GRB14: variants seen among roughly 807,000 people sequenced by gnomAD.
The protein encoded by GRB14 is growth factor receptor bound protein 14.
GRB14 carries 38 observed loss-of-function variants against 69.1 expected under a neutral mutation model. The observed-to-expected ratio is 0.55, with a 90% CI of 0.42 to 0.72. GRB14 has a LOEUF of 0.72. Ranked by LOEUF, GRB14 falls within the 30% of genes least tolerant of loss-of-function variation. GRB14 has a pLI of 0.00. For synonymous variants in GRB14, 247 were observed against 241.3 expected (o/e 1.02, Z -0.22); for missense variants, 666 against 666.1 (o/e 1.00, Z 0.00).
intron 2 of GRB14, among the ~76,000 whole-genome samples, chr2:164,598,635 AT>A (rs2105350588): frequency 6.6e-6 from 1 of 152,222 alleles, no homozygotes; most frequent in South Asian, 2.1e-4. Flanking sequence ...GGCTATATTT[AT>A]TGGTCTTCGC....
chr2:164,615,565 A>G (rs888361964), intron 2 of GRB14, among the ~76,000 whole-genome samples: 3 of 152,196 alleles, frequency 2.0e-5, no homozygotes, highest in African/African-American at 7.2e-5. Context: ...CAAAGCCTCA[A>G]GAAATCCAGA....
At chr2:164,560,985 A>T (rs74660700) in intron 2 of GRB14, among the ~76,000 whole-genome samples, 3,107 of 152,184 alleles carry the variant, frequency 0.02, 40 homozygotes, top group Non-Finnish European at 0.032. Flanking sequence ...TTTTCCTGCC[A>T]AAAAAGAGAT....
At position 164,492,908 on chromosome 2, in the gene GRB14, T is replaced by A; in HGVS notation, c.*128A>T. 1 of 786,534 alleles carries A rather than the reference T, an allele frequency of 1.3e-6. No individual in the cohort carries two copies. 48.7% of individuals were successfully genotyped at this position (786,534 alleles called of 1,614,324 possible). On this transcript the variant is annotated 3_prime_UTR_variant, in exon 14 of 14. Transcript: ENST00000263915. ...TTGCTTATTTGCAATGCACAAACTA[T>A]TTTTTTGTAACTTGCAGGTGAAATA...
At chr2:164,527,176 AATATATATATATATATAT>A (rs57531034) in intron 3 of GRB14, 41 bp from the exon 4 acceptor site, 7,976 of 249,598 alleles carry the variant, frequency 0.032, 112 homozygotes, top group African/African-American at 0.078. Context: ...CAGATAGACA[AATATATATATATATATAT>A]ATATATATAT....
chr2:164,574,078 C>T, intron 2 of GRB14: 1 of 953,066 alleles, frequency 1.0e-6, no homozygotes, highest in Non-Finnish European at 1.7e-6. Flanking sequence ...AATTCAGAAA[C>T]TCTGGTTTTA....
chr2:164,554,794 A>G (rs1453537566), intron 2 of GRB14, among the ~76,000 whole-genome samples: 1 of 152,108 alleles, frequency 6.6e-6, no homozygotes, highest in Non-Finnish European at 1.5e-5. Context: ...CACTTTACAC[A>G]TCAACTCCTC....
chr2:164,522,136 A>AT lies in GRB14; in HGVS notation c.679-20dup. Reference sequence around the variant, plus strand: ...GAAACATCTGAAAGAAAATTTATATATTTTCAAACTATGATTAAATCAATG... The same window carrying AT: ...GAAACATCTGAAAGAAAATTTATATATTTTTCAAACTATGATTAAATCAATG... On this transcript the variant is annotated intron_variant, in intron 5 of 13. Coordinates refer to ENST00000263915, the MANE Select transcript of GRB14 (RefSeq NM_004490.3). 1 of 1,426,376 alleles carries AT rather than the reference A, an allele frequency of 7.0e-7. No individual in the cohort carries two copies. The highest frequency in any genetic ancestry group is 9.7e-7 in the Non-Finnish European group (1 of 1,029,004). The allele number at this position is 1,426,376 out of a possible 1,614,324, so 88.4% of individuals were successfully genotyped here. A position where few individuals can be genotyped will look rare whatever the true frequency, so the allele number is the denominator to read the frequency against.
At chr2:164,595,316 T>G (rs1310250006) in intron 2 of GRB14, among the ~76,000 whole-genome samples, 7 of 152,156 alleles carry the variant, frequency 4.6e-5, no homozygotes, top group Non-Finnish European at 1.0e-4. Flanking sequence ...CTCAACAATC[T>G]GAGTGTCTAG....
intron 2 of GRB14, among the ~76,000 whole-genome samples, chr2:164,592,175 C>A (rs996447888): frequency 6.6e-6 from 1 of 151,762 alleles, no homozygotes; most frequent in Admixed American, 6.6e-5. Context: ...CACTCTGTCT[C>A]CCAGGCTGGA....
intron 2 of GRB14, among the ~76,000 whole-genome samples, chr2:164,607,946 G>A (rs764424775): frequency 2.6e-5 from 4 of 152,008 alleles, no homozygotes; most frequent in Admixed American, 6.6e-5. Context: ...AAAGTTTAAG[G>A]CTTCAGATTT....
intron 2 of GRB14, among the ~76,000 whole-genome samples, chr2:164,572,209 C>T (rs1210426920): frequency 6.6e-6 from 1 of 152,192 alleles, no homozygotes; most frequent in Admixed American, 6.5e-5. Context: ...GTAATGACAA[C>T]AACCGCAATT....
intron 2 of GRB14, among the ~76,000 whole-genome samples, chr2:164,567,913 T>C (rs969037869): frequency 6.6e-6 from 1 of 152,184 alleles, no homozygotes; most frequent in African/African-American, 2.4e-5. Flanking sequence ...GAGATTGATA[T>C]ATTATGAATT....
intron 2 of GRB14, among the ~76,000 whole-genome samples, chr2:164,597,365 C>T (rs1574344220): frequency 6.6e-6 from 1 of 151,806 alleles, no homozygotes; most frequent in Non-Finnish European, 1.5e-5. Context: ...TTAATTTGCA[C>T]AATAAATACT....
chr2:164,506,731 A>G (rs1434695646), intron 8 of GRB14, among the ~76,000 whole-genome samples: 3 of 152,194 alleles, frequency 2.0e-5, no homozygotes, highest in Admixed American at 6.5e-5. Flanking sequence ...AAATGGATAA[A>G]CTGTGTTTAT....
At chr2:164,531,781 T>C (rs1181515491) in intron 3 of GRB14, among the ~76,000 whole-genome samples, 1 of 152,172 alleles carries the variant, frequency 6.6e-6, no homozygotes, top group African/African-American at 2.4e-5. Context: ...CAGAACCCTC[T>C]ATGAGTTGTA....
chr2:164,507,760 T>TAATTGTTAA (rs994120216), intron 8 of GRB14, among the ~76,000 whole-genome samples: 1 of 152,088 alleles, frequency 6.6e-6, no homozygotes, highest in Admixed American at 6.6e-5. Context: ...AAATAGTTGA[T>TAATTGTTAA]AAGTATACAG....
chr2:164,610,931 C>T (rs1353161041), intron 2 of GRB14, among the ~76,000 whole-genome samples: 1 of 148,722 alleles, frequency 6.7e-6, no homozygotes, highest in Admixed American at 6.7e-5. Flanking sequence ...AAAAAATCTC[C>T]TGGATGAGAT....
chr2:164,529,201 G>A (rs1266403252), intron 3 of GRB14, among the ~76,000 whole-genome samples: 1 of 152,142 alleles, frequency 6.6e-6, no homozygotes, highest in African/African-American at 2.4e-5. Context: ...AAGGTACCTA[G>A]AATAGTCAAA....
intron 3 of GRB14, among the ~76,000 whole-genome samples, chr2:164,532,890 C>G (rs924270650): frequency 2.6e-5 from 4 of 152,204 alleles, no homozygotes; most frequent in African/African-American, 9.6e-5. Context: ...GACCCACCCT[C>G]TGCCCTCTGG....
Sources: gnomAD v4.1 joint callset for allele counts (sites outside exome capture counted in the v4.1 genomes callset) on GRCh38, gnomAD v4.1.1 for gene constraint, MANE v1.5 for transcripts, NCBI Gene and HGNC (gene_info 2026-07-23, HGNC 2026-07-21) for gene names.